RAB11FIP2: variants seen among roughly 807,000 people sequenced by gnomAD.
RAB11FIP2 encodes rab11 family-interacting protein 2.
Under a neutral mutation model 40.9 loss-of-function variants are expected in RAB11FIP2, and 16 were observed. The ratio of observed to expected loss-of-function variants is 0.39; its 90% confidence interval spans 0.26 to 0.59. The LOEUF (loss-of-function observed/expected upper bound fraction) is 0.59. Among genes scored for constraint, RAB11FIP2 ranks in the 20% least tolerant of loss-of-function variants. RAB11FIP2 has a pLI of 0.53. For missense variants in RAB11FIP2, 532 were observed against 606.2 expected, an observed-to-expected ratio of 0.88 and a Z score of 1.28; for synonymous variants, 228 against 213.7, an observed-to-expected ratio of 1.07 and a Z score of -0.58.
chr10:118,038,834 A>G, intron 3 of RAB11FIP2, 138 bp downstream of exon 3: 1 of 679,708 alleles, frequency 1.5e-6, no homozygotes, highest in Admixed American at 3.6e-5. Context: ...CTGGCTCTAT[A>G]ATTTAATTAT....
intron 3 of RAB11FIP2, among the ~76,000 whole-genome samples, chr10:118,027,425 T>C (rs923813204): frequency 1.3e-5 from 2 of 152,220 alleles, no homozygotes; most frequent in Non-Finnish European, 2.9e-5. Context: ...TTAAATTATG[T>C]TCAGTATGAT....
rs550945680 is a variant in RAB11FIP2, at chr10:118,042,874, T to C, written c.354-2309A>G. On this transcript the variant is annotated intron_variant, in intron 1 of 4. Coordinates refer to ENST00000355624, the MANE Select transcript of RAB11FIP2 (RefSeq NM_014904.3). ...AAAGAACTTTTACAAATATACTCAT[T>C]GAAAATGTAGCAATGACAAATAACT... 3.9e-5 allele frequency among the ~76,000 whole-genome samples: 6 copies of C among 152,298 alleles called. No homozygotes were observed. In the South Asian group the frequency reaches 1.2e-3, roughly 32 times the overall value.
chr10:118,013,779 T>G (rs958557690), intron 4 of RAB11FIP2, among the ~76,000 whole-genome samples: 1 of 152,138 alleles, frequency 6.6e-6, no homozygotes, highest in Non-Finnish European at 1.5e-5. Context: ...TTTTATTTCT[T>G]TAAAGAATTC....
Position 118,008,597 on chromosome 10 carries a change from C to G in RAB11FIP2, c.*401G>C, listed in dbSNP as rs1247338482. 2 of 187,264 alleles carry G rather than the reference C, an allele frequency of 1.1e-5. No homozygotes were observed. Among genetic ancestry groups the G allele is most frequent in the African/African-American group, 4.7e-5 (2 of 42,110 alleles). The allele number at this position is 187,264 out of a possible 1,614,324, so 11.6% of individuals were successfully genotyped here. ...TTTATAACGAGCAGTATTCCTGAAGCTAAATATTTCTACAAACTGATTTCT... is the reference window on the plus strand; with the variant it reads ...TTTATAACGAGCAGTATTCCTGAAGGTAAATATTTCTACAAACTGATTTCT... On this transcript the variant is annotated 3_prime_UTR_variant, in exon 5 of 5. Transcript: ENST00000355624.
Position 118,009,185 on chromosome 10 carries a change from A to T in RAB11FIP2, c.1352T>A (p.Leu451Gln). 1 of 1,613,554 alleles carries T rather than the reference A, an allele frequency of 6.2e-7. No individual in the cohort carries two copies. The highest frequency in any genetic ancestry group is 1.7e-4 in the Middle Eastern group (1 of 6,058). The part of the protein sequence containing the change: ...PFDATAGYRS[L>Q]TYEEVLQELV... ...CTCCTGTAGAACCTCTTCATAGGTC[A>T]GACTACGATACCCTGCAGTGGCATC... is the stretch of plus-strand genomic sequence containing the variant. Residue 451 changes from leucine (L) to glutamine (Q), a missense_variant, in exon 5 of 5, where the codon CTG (leucine) becomes CAG (glutamine). Physicochemically the swap from Leu to Gln is moderately radical, Grantham distance 113 (BLOSUM62 -2). Coordinates refer to ENST00000355624, the MANE Select transcript of RAB11FIP2 (RefSeq NM_014904.3).
At chr10:118,039,881 C>T (rs1846532843) in intron 2 of RAB11FIP2, 2 of 442,948 alleles carry the variant, frequency 4.5e-6, no homozygotes, top group South Asian at 9.3e-5. Context: ...GCAGCCAAGC[C>T]ATAAAAGGAA....
At position 118,008,750 on chromosome 10, in the gene RAB11FIP2, C is replaced by A; in HGVS notation, c.*248G>T. On this transcript the variant is annotated 3_prime_UTR_variant, in exon 5 of 5. Transcript: ENST00000355624. ...GGTCAGTACCAGCACCTGAGTGAGT[C>A]CTAAGGAACCACTTATTCATTGAGA... The A allele has an allele frequency of 6.5e-6, 3 of 464,462 alleles. No homozygotes were observed. The highest frequency in any genetic ancestry group is 4.5e-5 in the South Asian group (2 of 44,320). The allele number at this position is 464,462 out of a possible 1,614,324, so 28.8% of individuals were successfully genotyped here. A position where few individuals can be genotyped will look rare whatever the true frequency, so the allele number is the denominator to read the frequency against.
chr10:118,019,761 G>C (rs2133167055), intron 3 of RAB11FIP2, among the ~76,000 whole-genome samples: 1 of 151,714 alleles, frequency 6.6e-6, no homozygotes, highest in East Asian at 2.0e-4. Flanking sequence ...GGGAGGCAGA[G>C]CTTGCAGTGA....
intron 3 of RAB11FIP2, chr10:118,033,857 A>AAT (rs1207844133): frequency 7.7e-6 from 5 of 648,864 alleles, no homozygotes; most frequent in African/African-American, 3.6e-5. Flanking sequence ...TGCTCTAATA[A>AAT]ATATATATAT....
chr10:118,009,005 T>C lies in RAB11FIP2; in HGVS notation c.1532A>G (p.Asn511Ser). ...ACAATACAATTGGCTTTATTAACTG[T>C]TAGAGAATTTGCCAGCTTTCCTGGA... Reference protein sequence around the residue: ...EPSRKAGKFSNS With the variant: ...EPSRKAGKFSSS The change falls in exon 5 of 5, where the codon AAC becomes AGC. Residue 511 changes from asparagine (N) to serine (S), a missense_variant. By Grantham distance (46) the Asn-to-Ser change is conservative. Coordinates refer to ENST00000355624, the MANE Select transcript of RAB11FIP2 (RefSeq NM_014904.3). 1 of 1,606,868 alleles carries C rather than the reference T, an allele frequency of 6.2e-7. No individual in the cohort carries two copies. The highest frequency in any genetic ancestry group is 8.5e-7 in the Non-Finnish European group (1 of 1,173,534).
intron 1 of RAB11FIP2, among the ~76,000 whole-genome samples, chr10:118,043,825 C>G (rs1419549006): frequency 6.6e-6 from 1 of 152,118 alleles, no homozygotes; most frequent in Admixed American, 6.5e-5. Context: ...ACCGGCGGCT[C>G]AAGTCTGTCT....
intron 1 of RAB11FIP2, chr10:118,043,540 A>C (rs943922376): frequency 6.6e-6 from 1 of 152,154 alleles, no homozygotes; most frequent in Non-Finnish European, 1.5e-5. Flanking sequence ...ATTCCTTAAG[A>C]GAGAAAAAAG....
intron 3 of RAB11FIP2, among the ~76,000 whole-genome samples, chr10:118,020,702 T>C (rs1846274488): frequency 6.6e-6 from 1 of 152,232 alleles, no homozygotes; most frequent in African/African-American, 2.4e-5. Flanking sequence ...GGTGCTGTAC[T>C]ATTCCTTCTT....
At chr10:118,045,554 T>G (rs1846617906) in intron 1 of RAB11FIP2, 1 of 409,730 alleles carries the variant, frequency 2.4e-6, no homozygotes, top group South Asian at 3.3e-5. Flanking sequence ...TTAACTTACT[T>G]AAAATCCACC....
At chr10:118,011,813 A>G (rs144816187) in intron 4 of RAB11FIP2, among the ~76,000 whole-genome samples, 152 of 152,202 alleles carry the variant, frequency 1.0e-3, no homozygotes, top group African/African-American at 3.6e-3. Flanking sequence ...TGAGAATTGC[A>G]GGGATTAATG....
At chr10:118,020,610 C>T (rs536197444) in intron 3 of RAB11FIP2, among the ~76,000 whole-genome samples, 3 of 152,252 alleles carry the variant, frequency 2.0e-5, no homozygotes, top group East Asian at 1.9e-4. Flanking sequence ...ATCCCAGCAC[C>T]GCTCCCCTGC....
intron 1 of RAB11FIP2, chr10:118,045,136 T>C (rs1465205617): frequency 1.3e-5 from 2 of 152,242 alleles, no homozygotes; most frequent in African/African-American, 4.8e-5. Flanking sequence ...GCATTTAATA[T>C]GGTCTAAACA....
At chr10:118,014,220 G>C (rs1034709449) in intron 4 of RAB11FIP2, among the ~76,000 whole-genome samples, 1 of 151,596 alleles carries the variant, frequency 6.6e-6, no homozygotes, top group Admixed American at 6.6e-5. Flanking sequence ...AGTGATATGT[G>C]ATATGGGATT....
At chr10:118,042,714 ATG>A (rs996697384) in intron 1 of RAB11FIP2, among the ~76,000 whole-genome samples, 7 of 152,084 alleles carry the variant, frequency 4.6e-5, no homozygotes, top group Non-Finnish European at 7.4e-5. Context: ...GTGTGTGTGT[ATG>A]TGTTTACATT....
Sources: allele counts gnomAD v4.1 joint callset (sites outside exome capture counted in the v4.1 genomes callset), GRCh38; gene constraint gnomAD v4.1.1; transcripts MANE v1.5; gene names NCBI Gene and HGNC (gene_info 2026-07-23, HGNC 2026-07-21).